The following TTN variants were observed in gnomAD, a reference collection of about 807,000 sequenced individuals.
The protein encoded by TTN is titin.
A neutral mutation model predicts 3,223.0 loss-of-function variants in TTN; 1,525 were observed. The ratio of observed to expected loss-of-function variants is 0.47; its 90% CI spans 0.45 to 0.49. The LOEUF (loss-of-function observed/expected upper bound fraction) is 0.49. Among genes scored for constraint, TTN ranks in the 20% least tolerant of loss-of-function variants. The probability of loss-of-function intolerance (pLI) is 0.00; values close to 1 mark genes in which losing one functional copy is unlikely to be tolerated. For missense variants in TTN, 40,786 were observed against 43,424.0 expected (o/e 0.94, Z 5.40); for synonymous variants, 14,094 against 15,161.0 (o/e 0.93, Z 5.17).
intron 223 of TTN, among the ~76,000 whole-genome samples, chr2:178,638,484 T>A (rs1569407): frequency 0.021 from 3,212 of 151,450 alleles, 65 homozygotes; most frequent in East Asian, 0.095. Flanking sequence ...TCTGTCAAAC[T>A]ATTATGGACA....
chr2:178,527,300 C>A lies in TTN; in HGVS notation c.107688G>T (p.Pro35896=). The A allele has an allele frequency of 6.3e-7, 1 of 1,589,868 alleles. No homozygotes were observed. Residue 35896 remains proline, a synonymous_variant, in exon 363 of 363, where the codon CCG becomes CCT. Coordinates refer to ENST00000589042, the MANE Select transcript of TTN (RefSeq NM_001267550.2). ...KMLKAGIRGI[P]PKIEALPSDI... ...CAGATGGAAGAGCTTCAATTTTAGG[C>A]GGAATTCCTTTATGGAACAATGACA...
intron 243 of TTN, among the ~76,000 whole-genome samples, chr2:178,622,337 A>G (rs2058419551): frequency 6.6e-6 from 1 of 151,912 alleles, no homozygotes. Context: ...AAACTTGCCA[A>G]TGGTAGTTAA....
In TTN at chr2:178,617,999, A is replaced by G. The variant is rs2057661952; in HGVS notation, c.47352T>C (p.Tyr15784=). Residue 15784 remains tyrosine (Y), a synonymous_variant, in exon 253 of 363, where the codon TAT becomes TAC. Transcript: ENST00000589042. ...GVSLTWEPPE[Y]DGGAEITNYV... ...AGTTTGTGATCTCAGCACCTCCATC[A>G]TACTCTGGTGGTTCCCATGTCAGTG... The G allele has an allele frequency of 1.2e-6, 2 of 1,612,600 alleles. No individual in the cohort carries two copies. The highest frequency in any genetic ancestry group is 1.3e-5 in the African/African-American group (1 of 74,938).
At chr2:178,719,107 C>A (rs1171556144) in intron 83 of TTN, 57 bp downstream of exon 83, 1 of 1,557,108 alleles carries the variant, frequency 6.4e-7, no homozygotes, top group Non-Finnish European at 8.7e-7. Context: ...AAGGCAGGCA[C>A]CACGTCCACA....
intron 330 of TTN, chr2:178,555,430 TG>T (rs1184076309): frequency 3.0e-5 from 11 of 365,304 alleles, no homozygotes; most frequent in Middle Eastern, 7.2e-4. Context: ...AAATGGGATA[TG>T]GTAGTGAGAA....
At position 178,729,593 on chromosome 2, in the gene TTN, C is replaced by T. The variant is rs770169145; in HGVS notation, c.18590-27G>A. The T allele has an allele frequency of 1.9e-6, 3 of 1,612,462 alleles. No homozygotes were observed. The East Asian group carries it at 6.7e-5, about 36-fold the overall frequency. Reference sequence around the variant, plus strand: ...TAAAGATTCAAAAGGAAGACAGTAGCTTACTCAAGGGAAGACCCCAAACTT... The same window carrying T: ...TAAAGATTCAAAAGGAAGACAGTAGTTTACTCAAGGGAAGACCCCAAACTT... On this transcript the variant is annotated intron_variant, in intron 63 of 362. Transcript: ENST00000589042.
At chr2:178,646,879 C>T (rs929770764) in intron 215 of TTN, among the ~76,000 whole-genome samples, 185 bp downstream of exon 215, 4 of 151,858 alleles carry the variant, frequency 2.6e-5, no homozygotes, top group African/African-American at 9.7e-5. Flanking sequence ...TTACCAACAA[C>T]AGTAACTAAA....
rs397517515 is a variant in TTN at position 178,717,189 on chromosome 2, A to G, written c.25545T>C (p.Val8515=). The stretch of plus-strand genomic sequence containing the variant: ...CGGCATCGCCTTTGCCTACTTTGAG[A>G]ACTGTCAGAGTGGCAGTATTTTCTA... ...TLVENTATLT[V]LKVGKGDAGQ... is the part of the protein sequence containing the mutation. The change falls in exon 88 of 363, where the codon GTT becomes GTC. Residue 8515 remains valine (V), a synonymous_variant. Transcript: ENST00000589042. 6.2e-7 allele frequency: 1 copy of G among 1,613,650 alleles called. No homozygotes were observed. The highest frequency in any genetic ancestry group is 8.5e-7 in the Non-Finnish European group (1 of 1,179,672).
chr2:178,750,426 T>C (rs971358441), intron 47 of TTN: 4 of 1,612,262 alleles, frequency 2.5e-6, no homozygotes, highest in African/African-American at 1.3e-5. Context: ...AACGAATGAA[T>C]GATAAAGTTT....
chr2:178,674,449 T>A, intron 150 of TTN, 40 bp from the exon 151 acceptor site: 1 of 1,194,342 alleles, frequency 8.4e-7, no homozygotes, highest in Non-Finnish European at 1.2e-6. Context: ...TTTTTATAAT[T>A]ATTTTGAATA....
rs1348185820 is a variant in TTN at position 178,563,227 on chromosome 2, C to T, written c.82905G>A (p.Lys27635=). The T allele has an allele frequency of 6.2e-6, 10 of 1,613,564 alleles. No homozygotes were observed. The African/African-American group carries it at 6.7e-5, about 11-fold the overall frequency. The stretch of plus-strand genomic sequence containing the variant: ...AGTTATATTCAGTGTTTTCTTTAAG[C>T]TTGGTCACTGTGAACTGCTTTCCTT... ...GLQGKQFTVT[K]LKENTEYNFR... Residue 27635 remains lysine (K), a synonymous_variant, in exon 326 of 363, where the codon AAG becomes AAA. Transcript: ENST00000589042. This position sits in a 1 kb window ranked among gnomAD's most constrained non-coding sequence, Gnocchi z 4.5.
In TTN at chr2:178,751,507, T is replaced by C. The variant is rs1252971815; in HGVS notation, c.11311+1617A>G. 5 of 1,613,416 alleles carry C rather than the reference T, an allele frequency of 3.1e-6. No individual in the cohort carries two copies. In the East Asian group the frequency reaches 1.1e-4, roughly 36 times the overall value. On this transcript the variant is annotated intron_variant, in intron 47 of 362. Coordinates refer to ENST00000589042, the MANE Select transcript of TTN (RefSeq NM_001267550.2). ...AGCCAGTAAACCTCAGGTCAACCTT[T>C]ATCCTATCTTCTCCCCTTTCAACTA...
In TTN at chr2:178,693,696, A is replaced by C. The variant is rs1439201170; in HGVS notation, c.31514-7T>G. The C allele has an allele frequency of 6.3e-7, 1 of 1,586,288 alleles. No homozygotes were observed. The highest frequency in any genetic ancestry group is 8.6e-7 in the Non-Finnish European group (1 of 1,162,426). ...TCCTTTTGTACCTCGGGGACTTAAA[A>C]AAATGTACATTTTAATTACTGATAT... is the stretch of plus-strand genomic sequence containing the variant. On this transcript the variant is annotated splice_region_variant and splice_polypyrimidine_tract_variant and intron_variant, in intron 118 of 362. Transcript: ENST00000589042.
Position 178,734,907 on chromosome 2 carries a change from T to C in TTN, c.15017A>G (p.Lys5006Arg). 1.2e-6 allele frequency: 2 copies of C among 1,613,074 alleles called. No individual in the cohort carries two copies. Among genetic ancestry groups the C allele is most frequent in the African/African-American group, 1.3e-5 (1 of 75,050 alleles). ...GESARLHCKL[K>R]GSPVIQVTWF... ...AGTAACCTGGATCACAGGTGAGCCT[T>C]TCAGCTTGCAATGGAGGCGTGCTGA... Residue 5006 changes from lysine (K) to arginine (R), a missense_variant, in exon 51 of 363, where the codon AAA (lysine) becomes AGA (arginine). Coordinates refer to ENST00000589042, the MANE Select transcript of TTN (RefSeq NM_001267550.2).
At chr2:178,694,764 T>C (rs2154281946) in intron 116 of TTN, 65 bp downstream of exon 116, 2 of 1,488,018 alleles carry the variant, frequency 1.3e-6, no homozygotes, top group East Asian at 4.9e-5. Flanking sequence ...AAATAACTAA[T>C]GTGAGTATAG....
Position 178,567,740 on chromosome 2 carries a change from G to A in TTN, c.78392C>T (p.Pro26131Leu). Residue 26131 changes from proline (P) to leucine (L), a missense_variant, in exon 326 of 363, where the codon CCT (proline) becomes CTT (leucine). Pro to Leu is a moderately conservative substitution (Grantham distance 98, BLOSUM62 -3). Transcript: ENST00000589042. ...GCTAGCTTTCATCCAACGACCATCAGGCAAATCACGTTTCTCTACAATGTA... is the reference window on the plus strand; with the variant it reads ...GCTAGCTTTCATCCAACGACCATCAAGCAAATCACGTTTCTCTACAATGTA... ...TGYIVEKRDL[P>L]DGRWMKASFT... is the part of the protein sequence containing the mutation. The A allele has an allele frequency of 6.2e-7, 1 of 1,612,784 alleles. No individual in the cohort carries two copies. Among genetic ancestry groups the A allele is most frequent in the South Asian group, 1.1e-5 (1 of 91,044 alleles).
At chr2:178,805,205 G>A (rs1033027905) in intron 1 of TTN, among the ~76,000 whole-genome samples, 3 of 151,808 alleles carry the variant, frequency 2.0e-5, no homozygotes, top group Admixed American at 6.6e-5. Context: ...TTAGCCAGGC[G>A]TGGTGGCCCA....
chr2:178,613,735 G>C lies in TTN; in HGVS notation c.49532+16C>G. 1 of 1,607,964 alleles carries C rather than the reference G, an allele frequency of 6.2e-7. No individual in the cohort carries two copies. Among genetic ancestry groups the C allele is most frequent in the Non-Finnish European group, 8.5e-7 (1 of 1,177,120 alleles). On this transcript the variant is annotated intron_variant, in intron 263 of 362. Transcript: ENST00000589042. Reference sequence around the variant, plus strand: ...ATACTGCTGTCTTAACATCTTGATGGGGATTCTGAGCATACCTGTATGTTG... The same window carrying C: ...ATACTGCTGTCTTAACATCTTGATGCGGATTCTGAGCATACCTGTATGTTG...
In TTN at chr2:178,591,347, T is replaced by C; in HGVS notation, c.60378A>G (p.Thr20126=). Residue 20126 remains threonine, a synonymous_variant, in exon 304 of 363, where the codon ACA becomes ACG. Transcript: ENST00000589042. ...GSEIKTDEHY[T]VETDNFSSVL... ...CTGATGAGAAGTTGTCTGTTTCAAC[T>C]GTGTAGTGCTCATCGGTTTTAATCT... is the stretch of plus-strand genomic sequence containing the variant. 6.2e-7 allele frequency: 1 copy of C among 1,613,404 alleles called. No homozygotes were observed. The highest frequency in any genetic ancestry group is 8.5e-7 in the Non-Finnish European group (1 of 1,179,506).
Sources: allele counts gnomAD v4.1 joint callset (sites outside exome capture counted in the v4.1 genomes callset), GRCh38; gene constraint gnomAD v4.1.1; non-coding constraint Gnocchi (gnomAD v3.1); transcripts MANE v1.5; gene names NCBI Gene and HGNC (gene_info 2026-07-23, HGNC 2026-07-21).